Variants in PPARGC1B observed in about 807,000 individuals in gnomAD.
PPARGC1B encodes the protein peroxisome proliferator-activated receptor gamma coactivator 1-beta.
Under a neutral mutation model 101.6 loss-of-function variants are expected in PPARGC1B, and 34 were observed. The observed-to-expected ratio is 0.33, with a 90% confidence interval of 0.25 to 0.45. The LOEUF (loss-of-function observed/expected upper bound fraction) is 0.45. Among genes scored for constraint, PPARGC1B ranks in the 20% least tolerant of loss-of-function variants. The probability of loss-of-function intolerance (pLI) is 1.00; values close to 1 mark genes in which losing one functional copy is unlikely to be tolerated. For missense variants in PPARGC1B, 1,234 were observed against 1,317.6 expected (o/e 0.94, Z 0.98); for synonymous variants, 548 against 539.3 (o/e 1.02, Z -0.22).
At chr5:149,759,389 C>CTGCACTT (rs1755641538) in intron 1 of PPARGC1B, among the ~76,000 whole-genome samples, 1 of 152,114 alleles carries the variant, frequency 6.6e-6, no homozygotes, top group South Asian at 2.1e-4. Flanking sequence ...AGGAAAATAA[C>CTGCACTT]TGCACTTCTC....
At chr5:149,813,493 C>A (rs959533499) in intron 1 of PPARGC1B, among the ~76,000 whole-genome samples, 1 of 152,058 alleles carries the variant, frequency 6.6e-6, no homozygotes, top group African/African-American at 2.4e-5. Flanking sequence ...GGTGGCTGGT[C>A]AAAGTTGACA....
At chr5:149,835,958 CTTT>C (rs1202446844) in intron 7 of PPARGC1B, among the ~76,000 whole-genome samples, 6 of 128,042 alleles carry the variant, frequency 4.7e-5, no homozygotes, top group African/African-American at 1.1e-4. Flanking sequence ...TTTTTTTTTT[CTTT>C]TTTTTTTTTT....
At chr5:149,750,453 A>AAAATATATATATATATAT (rs1223165218) in intron 1 of PPARGC1B, among the ~76,000 whole-genome samples, 3 of 123,240 alleles carry the variant, frequency 2.4e-5, no homozygotes, top group African/African-American at 6.2e-5. Context: ...TTTTAGTTAA[A>AAAATATATATATATATAT]ATATATATAT....
At chr5:149,766,596 C>T (rs1364141563) in intron 1 of PPARGC1B, among the ~76,000 whole-genome samples, 1 of 152,160 alleles carries the variant, frequency 6.6e-6, no homozygotes, top group Admixed American at 6.5e-5. Flanking sequence ...ACCTCTCAAC[C>T]AAAATATCTG....
In PPARGC1B at chr5:149,745,190, T is replaced by C. The variant is rs1206475970; in HGVS notation, c.78+14770T>C. 3.9e-5 allele frequency among the ~76,000 whole-genome samples: 6 copies of C among 152,236 alleles called. No individual in the cohort carries two copies. In the East Asian group the frequency reaches 1.2e-3, roughly 29 times the overall value. ...TGCTAGGATTACAGGCAGGAGCCACTGTGCCTGGCCAGCTTTGTGACTTTT... is the reference window on the plus strand; with the variant it reads ...TGCTAGGATTACAGGCAGGAGCCACCGTGCCTGGCCAGCTTTGTGACTTTT... On this transcript the variant is annotated intron_variant, in intron 1 of 11. Coordinates refer to ENST00000309241, the MANE Select transcript of PPARGC1B (RefSeq NM_133263.4).
chr5:149,806,597 G>A (rs1242926259), intron 1 of PPARGC1B, among the ~76,000 whole-genome samples: 1 of 89,248 alleles, frequency 1.1e-5, no homozygotes, highest in Non-Finnish European at 2.2e-5. Context: ...TGTTTTTTTA[G>A]GTCTCTGGGA....
At chr5:149,731,236 C>T (rs1454063943) in intron 1 of PPARGC1B, among the ~76,000 whole-genome samples, 4 of 152,146 alleles carry the variant, frequency 2.6e-5, no homozygotes, top group African/African-American at 7.2e-5. Flanking sequence ...TCTGGTGTGC[C>T]GGGGCGCGGG....
chr5:149,826,952 G>A (rs1429032062), intron 3 of PPARGC1B, 67 bp downstream of exon 3: 2 of 1,273,938 alleles, frequency 1.6e-6, no homozygotes, highest in African/African-American at 1.5e-5. Context: ...TCAGGGCATG[G>A]GGTGCAGAGC....
intron 1 of PPARGC1B, among the ~76,000 whole-genome samples, chr5:149,812,155 A>G (rs1757888920): frequency 6.6e-6 from 1 of 152,180 alleles, no homozygotes; most frequent in Non-Finnish European, 1.5e-5. Flanking sequence ...TGCTGGGTTG[A>G]GATCTTTTGC....
rs576171291 is a variant in PPARGC1B, at chr5:149,777,260, C to A, written c.79-43173C>A. Among the ~76,000 whole-genome samples the A allele has an allele frequency of 5.7e-4, 87 of 151,562 alleles. 1 individual carries two copies. The highest frequency in any genetic ancestry group is 1.9e-3 in the African/African-American group (77 of 40,854). The stretch of plus-strand genomic sequence containing the variant: ...CCAAACACACATAGACCGACAAAGA[C>A]CCCTGCTCACCACACATGCTCTGCC... On this transcript the variant is annotated intron_variant, in intron 1 of 11. Coordinates refer to ENST00000309241, the MANE Select transcript of PPARGC1B (RefSeq NM_133263.4).
At chr5:149,744,908 CTTTTTTTTTT>C (rs34363116) in intron 1 of PPARGC1B, among the ~76,000 whole-genome samples, 1 of 132,942 alleles carries the variant, frequency 7.5e-6, no homozygotes, top group Admixed American at 7.7e-5. Context: ...AGCTTTGTGA[CTTTTTTTTTT>C]TTTTTTTTGA....
chr5:149,734,697 T>C (rs1258042768), intron 1 of PPARGC1B, among the ~76,000 whole-genome samples: 5 of 152,242 alleles, frequency 3.3e-5, no homozygotes, highest in Admixed American at 6.5e-5. Context: ...ATTGTACTTA[T>C]TTGTGCACTG....
At chr5:149,820,666 C>T in intron 2 of PPARGC1B, 60 bp downstream of exon 2, 1 of 1,508,052 alleles carries the variant, frequency 6.6e-7, no homozygotes, top group Non-Finnish European at 9.0e-7. Context: ...CCTCAAAATC[C>T]CGGCTCTGCC....
At chr5:149,793,781 A>C (rs1757107515) in intron 1 of PPARGC1B, among the ~76,000 whole-genome samples, 1 of 152,164 alleles carries the variant, frequency 6.6e-6, no homozygotes, top group African/African-American at 2.4e-5. Context: ...CCTAAAAACC[A>C]ACGAGGAGAA....
chr5:149,753,163 T>A (rs1260843302), intron 1 of PPARGC1B, among the ~76,000 whole-genome samples: 1 of 152,246 alleles, frequency 6.6e-6, no homozygotes, highest in Non-Finnish European at 1.5e-5. Flanking sequence ...TTTGGATTGA[T>A]CATAGTTTGT....
chr5:149,792,047 T>A (rs1474861107), intron 1 of PPARGC1B, among the ~76,000 whole-genome samples: 1 of 151,788 alleles, frequency 6.6e-6, no homozygotes, highest in Non-Finnish European at 1.5e-5. Flanking sequence ...CAGGCAAGGC[T>A]TGAAAGGGCA....
intron 1 of PPARGC1B, among the ~76,000 whole-genome samples, chr5:149,789,157 A>C (rs1253343522): frequency 6.6e-6 from 1 of 152,190 alleles, no homozygotes; most frequent in Non-Finnish European, 1.5e-5. Context: ...ATCGCCTAGT[A>C]ATGTCTGCCA....
rs141277219 is a variant in PPARGC1B, at chr5:149,837,515, T to C, written c.2618+442T>C. 6.5e-3 allele frequency among the ~76,000 whole-genome samples: 983 copies of C among 152,350 alleles called. 13 individuals carry two copies. The highest frequency in any genetic ancestry group is 0.022 in the African/African-American group (926 of 41,590). On this transcript the variant is annotated intron_variant, in intron 8 of 11. Transcript: ENST00000309241. The surrounding 1 kb of genome is among the most constrained non-coding windows in gnomAD (Gnocchi z 4.2). ...ATTAGTGTAATTCTAATCTGTGCTCTGGAAAATACCTGGACATAAAGCATT... is the reference window on the plus strand; with the variant it reads ...ATTAGTGTAATTCTAATCTGTGCTCCGGAAAATACCTGGACATAAAGCATT...
intron 1 of PPARGC1B, among the ~76,000 whole-genome samples, chr5:149,784,716 C>T (rs1284829210): frequency 4.0e-5 from 6 of 151,882 alleles, no homozygotes; most frequent in East Asian, 3.9e-4. Flanking sequence ...TACAGGCGCC[C>T]GCCACCACGC....
Sources: allele counts gnomAD v4.1 joint callset (sites outside exome capture counted in the v4.1 genomes callset), GRCh38; gene constraint gnomAD v4.1.1; non-coding constraint Gnocchi (gnomAD v3.1); transcripts MANE v1.5; gene names NCBI Gene and HGNC (gene_info 2026-07-23, HGNC 2026-07-21).